The following ERBB4 variants were observed in gnomAD, a reference collection of about 807,000 sequenced individuals.
The protein encoded by ERBB4 is erb-b2 receptor tyrosine kinase 4.
A neutral mutation model predicts 158.0 loss-of-function variants in ERBB4; 42 were observed. The observed-to-expected ratio is 0.27, with a 90% CI of 0.21 to 0.34. The LOEUF is 0.34. Among genes scored for constraint, ERBB4 ranks in the 10% least tolerant of loss-of-function variants. The pLI, the probability that ERBB4 is intolerant of heterozygous loss-of-function variation, is 1.00. For synonymous variants in ERBB4, 583 were observed against 558.7 expected, an observed-to-expected ratio of 1.04 and a Z score of -0.61; for missense variants, 1,333 against 1,624.1, an observed-to-expected ratio of 0.82 and a Z score of 3.08.
chr2:212,535,892 A>G (rs1278319572), intron 1 of ERBB4, among the ~76,000 whole-genome samples: 1 of 152,226 alleles, frequency 6.6e-6, no homozygotes. Flanking sequence ...TTCTGTTCAC[A>G]TAGAGCAGTA....
chr2:212,466,479 T>C (rs2106097136), intron 1 of ERBB4, among the ~76,000 whole-genome samples: 1 of 152,294 alleles, frequency 6.6e-6, no homozygotes, highest in Non-Finnish European at 1.5e-5. Flanking sequence ...GCTGTTCTTA[T>C]GATAGTGAAT....
chr2:212,061,759 G>A (rs1252192477), intron 2 of ERBB4, among the ~76,000 whole-genome samples: 1 of 142,550 alleles, frequency 7.0e-6, no homozygotes, highest in African/African-American at 2.6e-5. Flanking sequence ...TTTTTAGACA[G>A]AGTCTCACTC....
chr2:211,445,613 A>G (rs1234812942), intron 20 of ERBB4, among the ~76,000 whole-genome samples: 4 of 152,146 alleles, frequency 2.6e-5, no homozygotes, highest in Non-Finnish European at 5.9e-5. Context: ...GGGACGTACA[A>G]AAAGATAACA....
chr2:211,458,684 C>T (rs2064450806), intron 20 of ERBB4, among the ~76,000 whole-genome samples: 1 of 152,210 alleles, frequency 6.6e-6, no homozygotes, highest in Non-Finnish European at 1.5e-5. Flanking sequence ...CTTCTGTTTT[C>T]TTGATATCGT....
intron 22 of ERBB4, among the ~76,000 whole-genome samples, chr2:211,424,710 T>C (rs1028565724): frequency 6.6e-6 from 1 of 152,136 alleles, no homozygotes; most frequent in Non-Finnish European, 1.5e-5. Context: ...AATAAGATAT[T>C]GACTAATTTT....
intron 1 of ERBB4, among the ~76,000 whole-genome samples, chr2:212,241,256 CAAAAATAAAAAAATAA>C (rs1184480203): frequency 6.7e-6 from 1 of 149,754 alleles, no homozygotes; most frequent in East Asian, 1.9e-4. Context: ...GGCCCTGTCT[CAAAAATAAAAAAATAA>C]AAAAATAAAA....
At chr2:211,629,866 G>C (rs1293522720) in intron 17 of ERBB4, among the ~76,000 whole-genome samples, 5 of 152,106 alleles carry the variant, frequency 3.3e-5, no homozygotes, top group Non-Finnish European at 5.9e-5. Context: ...GAAACTGGAT[G>C]CCTTCCTTAC....
At chr2:211,549,910 A>G (rs2125699379) in intron 20 of ERBB4, among the ~76,000 whole-genome samples, 1 of 152,220 alleles carries the variant, frequency 6.6e-6, no homozygotes, top group South Asian at 2.1e-4. Context: ...CAGGTTCTTC[A>G]GTATCTCTAG....
chr2:211,551,666 T>C (rs2067102028), intron 20 of ERBB4, among the ~76,000 whole-genome samples: 1 of 152,198 alleles, frequency 6.6e-6, no homozygotes, highest in South Asian at 2.1e-4. Context: ...TTTAAATTTC[T>C]ATAATTTGCA....
intron 2 of ERBB4, among the ~76,000 whole-genome samples, chr2:211,995,254 A>G (rs1390216579): frequency 6.6e-6 from 1 of 152,186 alleles, no homozygotes; most frequent in Non-Finnish European, 1.5e-5. Flanking sequence ...TCTGTGCTCT[A>G]TGAAAAACCC....
intron 20 of ERBB4, among the ~76,000 whole-genome samples, chr2:211,543,319 G>C (rs1251894893): frequency 6.6e-6 from 1 of 151,838 alleles, no homozygotes; most frequent in Non-Finnish European, 1.5e-5. Flanking sequence ...ATTCTCCCTT[G>C]CCTACAATCT....
chr2:211,583,458 G>A (rs2068163309), intron 19 of ERBB4, among the ~76,000 whole-genome samples: 3 of 151,710 alleles, frequency 2.0e-5, no homozygotes, highest in Admixed American at 2.0e-4. Context: ...AAAATATCAT[G>A]AGTAAGTTAT....
intron 2 of ERBB4, among the ~76,000 whole-genome samples, chr2:212,037,069 G>A (rs560554533): frequency 6.6e-5 from 10 of 152,244 alleles, no homozygotes; most frequent in African/African-American, 2.4e-4. Flanking sequence ...CATTTTCACT[G>A]ATAATCAATC....
rs142620499 is a variant in ERBB4 at position 211,622,473 on chromosome 2, T to C, written c.2202+1449A>G. The stretch of plus-strand genomic sequence containing the variant: ...TTTTGACCTTAGAATACAAGTTTTA[T>C]TTTAAGGATATTAGATTATTTTGGA... On this transcript the variant is annotated intron_variant, in intron 18 of 27. Transcript: ENST00000342788. Among the ~76,000 whole-genome samples, 27 of 152,292 alleles carry C rather than the reference T, an allele frequency of 1.8e-4. No individual in the cohort carries two copies. The East Asian group carries it at 3.3e-3, about 19-fold the overall frequency.
chr2:211,806,746 G>T (rs1343175686), intron 3 of ERBB4, among the ~76,000 whole-genome samples: 1 of 152,006 alleles, frequency 6.6e-6, no homozygotes, highest in African/African-American at 2.4e-5. Flanking sequence ...AAGCCAAGTG[G>T]AAACATCAAG....
intron 3 of ERBB4, among the ~76,000 whole-genome samples, chr2:211,807,467 G>A (rs775378402): frequency 6.6e-6 from 1 of 152,138 alleles, no homozygotes; most frequent in Non-Finnish European, 1.5e-5. Context: ...TACAAAGGAC[G>A]TGAACTCATC....
chr2:212,291,066 C>T (rs1485414803), intron 1 of ERBB4, among the ~76,000 whole-genome samples: 1 of 152,068 alleles, frequency 6.6e-6, no homozygotes, highest in African/African-American at 2.4e-5. Context: ...TACCAACACA[C>T]ATTGCCCAAT....
chr2:211,711,862 T>G (rs1313436495), intron 9 of ERBB4, among the ~76,000 whole-genome samples, 188 bp downstream of exon 9: 1 of 152,154 alleles, frequency 6.6e-6, no homozygotes. Flanking sequence ...AAACTAAAGT[T>G]TGAGCACATT....
At position 211,420,722 on chromosome 2, in the gene ERBB4, C is replaced by T. The variant is rs527501258; in HGVS notation, c.2965-111G>A. On this transcript the variant is annotated intron_variant, in intron 24 of 27. Transcript: ENST00000342788. ...ATAACAAATGGTTGAAAAATTCATA[C>T]ACACATTTTAAAAAAACAAGTCTTT... 11 of 972,304 alleles carry T rather than the reference C, an allele frequency of 1.1e-5. No homozygotes were observed. In the South Asian group the frequency reaches 1.2e-4, roughly 11 times the overall value. 60.2% of individuals were successfully genotyped at this position (972,304 alleles called of 1,614,324 possible).
Sources: gnomAD v4.1 joint callset for allele counts (sites outside exome capture counted in the v4.1 genomes callset) on GRCh38, gnomAD v4.1.1 for gene constraint, MANE v1.5 for transcripts, NCBI Gene and HGNC (gene_info 2026-07-23, HGNC 2026-07-21) for gene names.